The following DENND2B variants were observed in gnomAD, a reference collection of about 807,000 sequenced individuals.
DENND2B encodes DENN domain-containing protein 2B.
Under a neutral mutation model 116.0 loss-of-function variants are expected in DENND2B, and 32 were observed. The observed-to-expected ratio is 0.28, with a 90% CI of 0.21 to 0.37. The LOEUF is 0.37. DENND2B is among the 10% of genes least tolerant of loss of function. The probability of loss-of-function intolerance (pLI) is 1.00; values close to 1 mark genes in which losing one functional copy is unlikely to be tolerated. For missense variants in DENND2B, 1,276 were observed against 1,477.7 expected, an observed-to-expected ratio of 0.86 and a Z score of 2.24; for synonymous variants, 588 against 583.9, an observed-to-expected ratio of 1.01 and a Z score of -0.10.
intron 1 of DENND2B, among the ~76,000 whole-genome samples, chr11:8,797,126 T>G (rs1377240292): frequency 6.6e-6 from 1 of 152,220 alleles, no homozygotes; most frequent in Non-Finnish European, 1.5e-5. Flanking sequence ...GCCTTAGATT[T>G]AGATTTTAAG....
intron 1 of DENND2B, chr11:8,809,639 A>C (rs1338972617): frequency 6.6e-6 from 1 of 152,308 alleles, no homozygotes; most frequent in Non-Finnish European, 1.5e-5. Flanking sequence ...CCTCTAGGTC[A>C]GAACAAGTTT....
intron 2 of DENND2B, among the ~76,000 whole-genome samples, chr11:8,869,341 T>A (rs1021645961): frequency 2.6e-5 from 4 of 152,184 alleles, no homozygotes; most frequent in Admixed American, 2.0e-4. Context: ...TTCTTCCCCC[T>A]ATCTTGGGGA....
intron 1 of DENND2B, among the ~76,000 whole-genome samples, chr11:8,750,961 CTG>C (rs1352050443): frequency 6.6e-6 from 1 of 152,182 alleles, no homozygotes; most frequent in Admixed American, 6.5e-5. Flanking sequence ...AATCAGCACT[CTG>C]TGTCTAGCTC....
intron 7 of DENND2B, 133 bp downstream of exon 7, chr11:8,714,477 C>T (rs2044352586): frequency 1.4e-6 from 1 of 733,256 alleles, no homozygotes; most frequent in Non-Finnish European, 2.2e-6. Context: ...GACCTTTCTT[C>T]CCTGTCTGCT....
At chr11:8,891,337 A>G (rs546940888) in intron 1 of DENND2B, among the ~76,000 whole-genome samples, 2 of 152,336 alleles carry the variant, frequency 1.3e-5, no homozygotes, top group African/African-American at 4.8e-5. Context: ...ATCAACTAAC[A>G]GGCAAAATAA....
rs145694915 is a variant in DENND2B, at chr11:8,757,048, C to T, written c.-25-6323G>A. 482 of 456,288 alleles carry T rather than the reference C, an allele frequency of 1.1e-3. 6 individuals are homozygous for T. The highest frequency in any genetic ancestry group is 8.5e-3 in the African/African-American group (425 of 50,210). The allele number at this position is 456,288 out of a possible 1,614,324, so 28.3% of individuals were successfully genotyped here. Reference sequence around the variant, plus strand: ...GAGAAAGGAATAGAATAAGGTACCTCTGGAACTTTTCTACAAACTGCATCC... The same window carrying T: ...GAGAAAGGAATAGAATAAGGTACCTTTGGAACTTTTCTACAAACTGCATCC... On this transcript the variant is annotated intron_variant, in intron 1 of 19. Transcript: ENST00000313726.
intron 3 of DENND2B, among the ~76,000 whole-genome samples, chr11:8,842,189 C>G (rs1379176216): frequency 6.6e-6 from 1 of 152,168 alleles, no homozygotes; most frequent in Non-Finnish European, 1.5e-5. Flanking sequence ...GGTTTCTCTC[C>G]TGTCCTCCCA....
At chr11:8,826,768 AACAAG>A (rs1388409337) in intron 4 of DENND2B, among the ~76,000 whole-genome samples, 2 of 152,240 alleles carry the variant, frequency 1.3e-5, no homozygotes, top group African/African-American at 4.8e-5. Flanking sequence ...CTCCTTATCT[AACAAG>A]ACATGCACTG....
At chr11:8,737,355 A>G (rs1306453483) in intron 2 of DENND2B, among the ~76,000 whole-genome samples, 1 of 152,168 alleles carries the variant, frequency 6.6e-6, no homozygotes, top group Non-Finnish European at 1.5e-5. Flanking sequence ...AAAGAAGAAA[A>G]CATGAAGAGC....
chr11:8,741,710 A>T (rs2050244666), intron 2 of DENND2B, among the ~76,000 whole-genome samples: 1 of 152,120 alleles, frequency 6.6e-6, no homozygotes, highest in Non-Finnish European at 1.5e-5. Context: ...GCAGCTCCTA[A>T]TTCCTGTCTA....
chr11:8,895,688 T>C (rs1477014386), intron 1 of DENND2B: 1 of 152,254 alleles, frequency 6.6e-6, no homozygotes, highest in East Asian at 1.9e-4. Flanking sequence ...TTGCACATTT[T>C]GAATATATTT....
intron 11 of DENND2B, chr11:8,708,065 C>T (rs1376945928): frequency 4.7e-6 from 7 of 1,482,746 alleles, no homozygotes; most frequent in East Asian, 2.6e-5. Flanking sequence ...GGTCTCCCAG[C>T]ACCAGGTACC....
At chr11:8,830,917 G>C (rs997034824) in intron 4 of DENND2B, 2 of 152,278 alleles carry the variant, frequency 1.3e-5, no homozygotes, top group African/African-American at 4.8e-5. Context: ...AGACACATAA[G>C]AAAGAAAAGC....
At chr11:8,823,453 TG>T (rs1253086560) in intron 4 of DENND2B, among the ~76,000 whole-genome samples, 3 of 152,234 alleles carry the variant, frequency 2.0e-5, no homozygotes, top group Non-Finnish European at 4.4e-5. Context: ...ATGGTTTGGC[TG>T]TGTCACCACC....
rs774333659 is a variant in DENND2B, at chr11:8,730,504, C to G, written c.786G>C (p.Arg262=). The G allele has an allele frequency of 1.9e-6, 3 of 1,612,606 alleles. No individual in the cohort carries two copies. The highest frequency in any genetic ancestry group is 2.2e-5 in the South Asian group (2 of 91,090). The change falls in exon 3 of 20, where the codon CGG becomes CGC. Residue 262 remains arginine, a synonymous_variant. Transcript: ENST00000313726. This position sits in a 1 kb window ranked among gnomAD's most constrained non-coding sequence, Gnocchi z 4.1. ...SFYRLEKRLG[R]SEPSAFLRGH... ...CCCTGAGGAAGGCGCTGGGCTCACT[C>G]CGGCCCAGCCGTTTCTCCAGCCGGT...
chr11:8,754,467 T>C (rs955363001), intron 1 of DENND2B, among the ~76,000 whole-genome samples: 1 of 152,244 alleles, frequency 6.6e-6, no homozygotes, highest in African/African-American at 2.4e-5. Flanking sequence ...CATTCCCTGC[T>C]GGTAGAAATG....
chr11:8,730,387 G>C lies in DENND2B; in HGVS notation c.903C>G (p.Pro301=), dbSNP rs767041369. ...CGCTGTAGCAGCTGCTGGGGAGCTG[G>C]GGGAGCCCCCGGCCCGGCTGCTCCT... ...VLKEQPGRGL[P]QLPSSCYSVD... is the part of the protein sequence containing the mutation. The change falls in exon 3 of 20, where the codon CCC becomes CCG. Residue 301 remains proline (P), a synonymous_variant. Coordinates refer to ENST00000313726, the MANE Select transcript of DENND2B (RefSeq NM_213618.2). The surrounding 1 kb of genome is among the most constrained non-coding windows in gnomAD (Gnocchi z 4.1). 9 of 1,605,194 alleles carry C rather than the reference G, an allele frequency of 5.6e-6. No individual in the cohort carries two copies. The Admixed American group carries it at 8.3e-5, about 15-fold the overall frequency.
intron 1 of DENND2B, among the ~76,000 whole-genome samples, chr11:8,908,099 G>A (rs2064262284): frequency 6.6e-6 from 1 of 152,168 alleles, no homozygotes; most frequent in Non-Finnish European, 1.5e-5. Context: ...AACAGGTCCT[G>A]GAATGTTTAG....
At chr11:8,698,137 CAAAAAAAA>C (rs33975736) in intron 16 of DENND2B, among the ~76,000 whole-genome samples, 26 of 39,824 alleles carry the variant, frequency 6.5e-4, no homozygotes, top group South Asian at 6.1e-3. Context: ...ACCCTGTCTC[CAAAAAAAA>C]AAAAAAAAAA....
Sources: allele counts gnomAD v4.1 joint callset (sites outside exome capture counted in the v4.1 genomes callset), GRCh38; gene constraint gnomAD v4.1.1; non-coding constraint Gnocchi (gnomAD v3.1); transcripts MANE v1.5; gene names NCBI Gene and HGNC (gene_info 2026-07-23, HGNC 2026-07-21).